The following ATRNL1 variants were observed in gnomAD, a reference collection of about 807,000 sequenced individuals.
ATRNL1 encodes the protein attractin-like protein 1.
ATRNL1 carries 95 observed loss-of-function variants against 182.7 expected under a neutral mutation model. That is an observed-to-expected ratio of 0.52 (90% CI 0.44 to 0.62). The LOEUF (loss-of-function observed/expected upper bound fraction) is 0.62, where lower values mean the gene tolerates loss of function less well. Ranked by LOEUF, ATRNL1 falls within the 20% of genes least tolerant of loss-of-function variation. ATRNL1 has a pLI of 0.00. For missense variants in ATRNL1, 1,471 were observed against 1,679.5 expected, an observed-to-expected ratio of 0.88 and a Z score of 2.17; for synonymous variants, 576 against 568.3, an observed-to-expected ratio of 1.01 and a Z score of -0.19.
chr10:115,202,180 G>A (rs1403592451), intron 8 of ATRNL1, among the ~76,000 whole-genome samples: 5 of 152,062 alleles, frequency 3.3e-5, no homozygotes, highest in Non-Finnish European at 7.4e-5. Flanking sequence ...TCTGCAAACA[G>A]GGACAATTTG....
chr10:115,905,894 C>G (rs906999453), intron 28 of ATRNL1, among the ~76,000 whole-genome samples: 1 of 152,166 alleles, frequency 6.6e-6, no homozygotes, highest in African/African-American at 2.4e-5. Context: ...GTTAATTCCT[C>G]CTCATGTCAT....
At chr10:115,295,158 A>G (rs1554922137) in intron 15 of ATRNL1, among the ~76,000 whole-genome samples, 1 of 151,966 alleles carries the variant, frequency 6.6e-6, no homozygotes. Flanking sequence ...GATTTTTTCC[A>G]GGGTTGGCCT....
intron 24 of ATRNL1, among the ~76,000 whole-genome samples, chr10:115,493,114 C>G (rs1463844774): frequency 6.6e-6 from 1 of 151,628 alleles, no homozygotes; most frequent in Admixed American, 6.6e-5. Flanking sequence ...TTATTTATTT[C>G]TTATCAACTT....
chr10:115,320,342 G>A (rs548814198), intron 18 of ATRNL1, among the ~76,000 whole-genome samples: 6 of 151,970 alleles, frequency 3.9e-5, no homozygotes, highest in African/African-American at 7.2e-5. Flanking sequence ...CCTTCATTTC[G>A]CCCTTAGAGA....
At position 115,550,073 on chromosome 10, in the gene ATRNL1, C is replaced by T. The variant is rs573465283; in HGVS notation, c.3795+537C>T. Among the ~76,000 whole-genome samples the T allele has an allele frequency of 3.5e-3, 538 of 151,710 alleles. 1 individual carries two copies. The highest frequency in any genetic ancestry group is 5.8e-3 in the Non-Finnish European group (391 of 67,722). ...GTATTAGAATTATTTTTCTCGTAAT[C>T]CTAAAATTGATGAAAACAATAATAT... On this transcript the variant is annotated intron_variant, in intron 26 of 28. Transcript: ENST00000355044.
intron 19 of ATRNL1, 98 bp downstream of exon 19, chr10:115,334,517 A>T (rs940148182): frequency 3.5e-6 from 3 of 861,774 alleles, no homozygotes; most frequent in South Asian, 4.3e-5. Flanking sequence ...ACTACAGAAA[A>T]TTTTTTACTC....
intron 27 of ATRNL1, among the ~76,000 whole-genome samples, chr10:115,844,841 T>C (rs1159607502): frequency 6.6e-6 from 1 of 152,058 alleles, no homozygotes; most frequent in African/African-American, 2.4e-5. Context: ...AAATACATGA[T>C]AAATTGCACA....
At chr10:115,098,354 T>G (rs782303474) in intron 1 of ATRNL1, among the ~76,000 whole-genome samples, 3 of 151,554 alleles carry the variant, frequency 2.0e-5, no homozygotes, top group Non-Finnish European at 2.9e-5. Context: ...CCTTTTGGCC[T>G]TAGTGCATTT....
chr10:115,477,931 T>C (rs1327456086), intron 24 of ATRNL1, among the ~76,000 whole-genome samples: 1 of 151,726 alleles, frequency 6.6e-6, no homozygotes, highest in Admixed American at 6.6e-5. Context: ...GATATTCTTA[T>C]CTTGCTTCCA....
chr10:115,804,270 G>T (rs895050687), intron 27 of ATRNL1, among the ~76,000 whole-genome samples: 21 of 152,052 alleles, frequency 1.4e-4, no homozygotes, highest in Non-Finnish European at 2.9e-4. Flanking sequence ...ATCTCCCCAG[G>T]ACACACAAAA....
chr10:115,152,518 T>A (rs1281821775), intron 5 of ATRNL1, among the ~76,000 whole-genome samples: 33 of 152,228 alleles, frequency 2.2e-4, no homozygotes, highest in African/African-American at 6.7e-4. Context: ...TCTGTGTTTG[T>A]CTATTATTGG....
At chr10:115,198,851 T>C (rs1848453066) in intron 8 of ATRNL1, among the ~76,000 whole-genome samples, 1 of 152,196 alleles carries the variant, frequency 6.6e-6, no homozygotes, top group African/African-American at 2.4e-5. Flanking sequence ...CCTGTTCTGT[T>C]TCACTGGTCT....
chr10:115,798,029 T>C (rs887504228), intron 27 of ATRNL1, among the ~76,000 whole-genome samples: 2 of 152,190 alleles, frequency 1.3e-5, no homozygotes, highest in African/African-American at 4.8e-5. Context: ...GCCATTCTCC[T>C]GCCTCAGCCT....
At chr10:115,370,131 C>T (rs1291885203) in intron 19 of ATRNL1, among the ~76,000 whole-genome samples, 1 of 152,232 alleles carries the variant, frequency 6.6e-6, no homozygotes, top group Non-Finnish European at 1.5e-5. Flanking sequence ...GTGCCTTTCA[C>T]ATTCTGCCAT....
intron 26 of ATRNL1, among the ~76,000 whole-genome samples, chr10:115,678,767 G>A (rs1393949876): frequency 2.6e-5 from 4 of 152,082 alleles, no homozygotes; most frequent in South Asian, 2.1e-4. Flanking sequence ...TATCATAGAT[G>A]CCAGCAAGGG....
chr10:115,462,744 A>T (rs1847877655), intron 22 of ATRNL1, among the ~76,000 whole-genome samples: 1 of 152,172 alleles, frequency 6.6e-6, no homozygotes, highest in African/African-American at 2.4e-5. Context: ...GAGTTATATG[A>T]ATGATGGCTC....
At position 115,760,143 on chromosome 10, in the gene ATRNL1, C is replaced by T. The variant is rs7911284; in HGVS notation, c.3903+32788C>T. 5.6e-3 allele frequency among the ~76,000 whole-genome samples: 826 copies of T among 147,478 alleles called. 11 individuals are homozygous for T. The highest frequency in any genetic ancestry group is 0.02 in the African/African-American group (794 of 40,506). On this transcript the variant is annotated intron_variant, in intron 27 of 28. Transcript: ENST00000355044. Reference sequence around the variant, plus strand: ...TACATATGATTTTAATTAATACTTTCTACAAAACACTGTTCATTACTCCCC... The same window carrying T: ...TACATATGATTTTAATTAATACTTTTTACAAAACACTGTTCATTACTCCCC...
rs141335081 is a variant in ATRNL1, at chr10:115,173,497, A to G, written c.1348+2205A>G. Among the ~76,000 whole-genome samples, 179 of 151,924 alleles carry G rather than the reference A, an allele frequency of 1.2e-3. 1 individual carries two copies. In the East Asian group the frequency reaches 0.013, roughly 11 times the overall value. The stretch of plus-strand genomic sequence containing the variant: ...TTATAAAATCGACTTTATTGATTAT[A>G]TTGTTTAGGCCTTCTGTTACTGACT... On this transcript the variant is annotated intron_variant, in intron 8 of 28. Coordinates refer to ENST00000355044, the MANE Select transcript of ATRNL1 (RefSeq NM_207303.4).
chr10:115,908,070 C>G (rs782331244), intron 28 of ATRNL1, among the ~76,000 whole-genome samples: 80 of 152,152 alleles, frequency 5.3e-4, no homozygotes, highest in Non-Finnish European at 8.1e-4. Flanking sequence ...ATTTTGAGAT[C>G]TACTTCCTAC....
Sources: gnomAD v4.1 joint callset for allele counts (sites outside exome capture counted in the v4.1 genomes callset) on GRCh38, gnomAD v4.1.1 for gene constraint, MANE v1.5 for transcripts, NCBI Gene and HGNC (gene_info 2026-07-23, HGNC 2026-07-21) for gene names.